Variants in CORO1C observed in about 807,000 individuals in gnomAD.
CORO1C encodes the protein coronin 1C, also known as coronin-1C.
In CORO1C, 14 loss-of-function variants were observed where a neutral mutation model predicts 51.2. That is an observed-to-expected ratio of 0.27 (90% CI 0.18 to 0.43). The LOEUF (loss-of-function observed/expected upper bound fraction) is 0.43. Ranked by LOEUF, CORO1C falls within the 20% of genes least tolerant of loss-of-function variation. The pLI is 1.00. For synonymous variants in CORO1C, 181 were observed against 210.5 expected, an observed-to-expected ratio of 0.86 and a Z score of 1.21; for missense variants, 417 against 607.8, an observed-to-expected ratio of 0.69 and a Z score of 3.30.
intron 1 of CORO1C, among the ~76,000 whole-genome samples, chr12:108,702,233 C>A (rs1262332206): frequency 6.6e-6 from 1 of 152,098 alleles, no homozygotes; most frequent in Non-Finnish European, 1.5e-5. Flanking sequence ...AGTGATACAG[C>A]AGTAACAGTT....
At chr12:108,696,219 C>T (rs933542590) in intron 2 of CORO1C, 11 of 152,248 alleles carry the variant, frequency 7.2e-5, no homozygotes, top group African/African-American at 2.6e-4. Flanking sequence ...AGTTGCTTCA[C>T]AGTATTTCAC....
At chr12:108,705,906 G>A (rs1425520844) in intron 1 of CORO1C, among the ~76,000 whole-genome samples, 1 of 152,100 alleles carries the variant, frequency 6.6e-6, no homozygotes, top group Admixed American at 6.6e-5. Context: ...AGCATTTGAG[G>A]CTGGGCATGG....
chr12:108,716,094 A>G (rs1301785775), intron 1 of CORO1C, among the ~76,000 whole-genome samples: 1 of 126,614 alleles, frequency 7.9e-6, no homozygotes, highest in Non-Finnish European at 1.6e-5. Context: ...TCGCCACTGC[A>G]CTCCAGCTTG....
In CORO1C at chr12:108,647,390, G is replaced by C. The variant is rs767300014; in HGVS notation, c.*13C>G. The C allele has an allele frequency of 1.3e-5, 21 of 1,610,448 alleles. No individual in the cohort carries two copies. The highest frequency in any genetic ancestry group is 3.3e-4 in the Middle Eastern group (2 of 6,040). ...TTGCTCCCATTTTTTCTGTAGGGGT[G>C]GGGGTGGGACCTTCAGGCTGCTATC... On this transcript the variant is annotated 3_prime_UTR_variant, in exon 11 of 11. Transcript: ENST00000261401.
chr12:108,655,843 C>T (rs1195433244), intron 6 of CORO1C, among the ~76,000 whole-genome samples: 1 of 151,812 alleles, frequency 6.6e-6, no homozygotes, highest in African/African-American at 2.4e-5. Context: ...GGCCGCCCAT[C>T]GTCTGGGATG....
rs560398224 is a variant in CORO1C at position 108,675,510 on chromosome 12, T to G, written c.318+2762A>C. Among the ~76,000 whole-genome samples the G allele has an allele frequency of 3.9e-5, 6 of 152,304 alleles. No homozygotes were observed. The South Asian group carries it at 1.0e-3, about 26-fold the overall frequency. On this transcript the variant is annotated intron_variant, in intron 3 of 10. Transcript: ENST00000261401. ...GGAACGGGGAAAAAAAAACCCTAAT[T>G]TGTCACCTTCTGAGGATGACAGAGA...
chr12:108,673,961 G>A lies in CORO1C; in HGVS notation c.318+4311C>T, dbSNP rs568571067. On this transcript the variant is annotated intron_variant, in intron 3 of 10. Transcript: ENST00000261401. ...AGAAATGGAAAAACAAAGCATGAAT[G>A]ACAGCACATCTGTTTACTGCATGGT... Among the ~76,000 whole-genome samples, 106 of 152,090 alleles carry A rather than the reference G, an allele frequency of 7.0e-4. 2 individuals carry two copies. Among genetic ancestry groups the A allele is most frequent in the African/African-American group, 2.5e-3 (103 of 41,506 alleles).
At chr12:108,654,983 G>A (rs892552942) in intron 6 of CORO1C, among the ~76,000 whole-genome samples, 13 of 152,178 alleles carry the variant, frequency 8.5e-5, no homozygotes, top group Non-Finnish European at 1.8e-4. Context: ...TGGGATTACA[G>A]GAATGGCCAC....
At chr12:108,685,988 A>G (rs922447462) in intron 2 of CORO1C, among the ~76,000 whole-genome samples, 1 of 152,208 alleles carries the variant, frequency 6.6e-6, no homozygotes, top group Non-Finnish European at 1.5e-5. Flanking sequence ...GCACAACAAC[A>G]TATTTCACCA....
At chr12:108,705,561 A>G (rs1220434045) in intron 1 of CORO1C, among the ~76,000 whole-genome samples, 1 of 152,124 alleles carries the variant, frequency 6.6e-6, no homozygotes, top group African/African-American at 2.4e-5. Context: ...TTTAAAAAAT[A>G]CCAAGTACTC....
At chr12:108,675,258 G>T (rs1266904216) in intron 3 of CORO1C, among the ~76,000 whole-genome samples, 1 of 152,146 alleles carries the variant, frequency 6.6e-6, no homozygotes, top group Non-Finnish European at 1.5e-5. Context: ...ACTTCCGAAA[G>T]AAATGGCTTG....
chr12:108,650,705 C>A (rs963608609), intron 8 of CORO1C, among the ~76,000 whole-genome samples: 4 of 152,186 alleles, frequency 2.6e-5, no homozygotes, highest in Admixed American at 6.5e-5. Context: ...TAGCACAGTC[C>A]TGGCATACAA....
intron 4 of CORO1C, among the ~76,000 whole-genome samples, chr12:108,659,626 G>A (rs1015314923): frequency 7.2e-5 from 11 of 152,156 alleles, no homozygotes; most frequent in South Asian, 4.1e-4. Context: ...CCCTTTTCAC[G>A]TGCCAAATAA....
chr12:108,648,048 T>C (rs2032452411), intron 10 of CORO1C, among the ~76,000 whole-genome samples: 1 of 152,154 alleles, frequency 6.6e-6, no homozygotes, highest in South Asian at 2.1e-4. Context: ...CACTCTCCAG[T>C]GGCCGCAGCG....
chr12:108,698,243 C>T lies in CORO1C; in HGVS notation c.195+2881G>A, dbSNP rs77347480. Among the ~76,000 whole-genome samples, 1,063 of 152,278 alleles carry T rather than the reference C, an allele frequency of 7.0e-3. 15 individuals are homozygous for T. Among genetic ancestry groups the T allele is most frequent in the African/African-American group, 0.024 (1,005 of 41,556 alleles). On this transcript the variant is annotated intron_variant, in intron 2 of 10. Transcript: ENST00000261401. ...GCAGCCAGGAGTAAAAAGGCATCTACTTGCCAAAGTTATACATTGAATTAG... is the reference window on the plus strand; with the variant it reads ...GCAGCCAGGAGTAAAAAGGCATCTATTTGCCAAAGTTATACATTGAATTAG...
chr12:108,702,811 G>C, intron 1 of CORO1C: 1 of 1,530,792 alleles, frequency 6.5e-7, no homozygotes, highest in Non-Finnish European at 8.7e-7. Flanking sequence ...CAACGCATGT[G>C]TGAAAGTGGC....
At chr12:108,711,140 A>C (rs1433415689) in intron 1 of CORO1C, among the ~76,000 whole-genome samples, 3 of 152,130 alleles carry the variant, frequency 2.0e-5, no homozygotes, top group African/African-American at 7.2e-5. Context: ...AGGCAGGAGG[A>C]TGACTAGAGT....
chr12:108,657,935 T>C (rs2033095894), intron 5 of CORO1C, among the ~76,000 whole-genome samples: 1 of 152,148 alleles, frequency 6.6e-6, no homozygotes, highest in South Asian at 2.1e-4. Context: ...TCCCCAGGGC[T>C]CAGTAAGCAC....
intron 1 of CORO1C, among the ~76,000 whole-genome samples, chr12:108,728,171 C>A (rs1379196934): frequency 6.6e-6 from 1 of 152,082 alleles, no homozygotes. Context: ...TATAGAGTTA[C>A]CATACAACCC....
Sources: gnomAD v4.1 joint callset for allele counts (sites outside exome capture counted in the v4.1 genomes callset) on GRCh38, gnomAD v4.1.1 for gene constraint, MANE v1.5 for transcripts, NCBI Gene and HGNC (gene_info 2026-07-23, HGNC 2026-07-21) for gene names.